The following SLC9A9 variants were observed in gnomAD, a reference collection of about 807,000 sequenced individuals.
The protein encoded by SLC9A9 is solute carrier family 9 member A9.
In SLC9A9, 62 loss-of-function variants were observed where a neutral mutation model predicts 77.8. The observed-to-expected ratio is 0.80, with a 90% CI of 0.65 to 0.98. The LOEUF (loss-of-function observed/expected upper bound fraction) is 0.98, where lower values mean the gene tolerates loss of function less well. Ranked by LOEUF, SLC9A9 falls within the 50% of genes least tolerant of loss-of-function variation. SLC9A9 has a pLI of 0.00. For synonymous variants in SLC9A9, 320 were observed against 283.5 expected, an observed-to-expected ratio of 1.13 and a Z score of -1.29; for missense variants, 775 against 774.9, an observed-to-expected ratio of 1.00 and a Z score of 0.00.
At position 143,381,670 on chromosome 3, in the gene SLC9A9, A is replaced by G. The variant is rs2033307045; in HGVS notation, c.1524+390T>C. ...AGACCTGATAAATGAGAAGCTATCCAGGAGAAATAAGTCAATTTGTTGTTT... is the reference window on the plus strand; with the variant it reads ...AGACCTGATAAATGAGAAGCTATCCGGGAGAAATAAGTCAATTTGTTGTTT... On this transcript the variant is annotated intron_variant, in intron 13 of 15. Transcript: ENST00000316549. 2.0e-5 allele frequency among the ~76,000 whole-genome samples: 3 copies of G among 152,242 alleles called. No homozygotes were observed. The South Asian group carries it at 6.2e-4, about 32-fold the overall frequency.
intron 12 of SLC9A9, among the ~76,000 whole-genome samples, chr3:143,438,317 C>T (rs1190231270): frequency 6.6e-6 from 1 of 152,222 alleles, no homozygotes; most frequent in Non-Finnish European, 1.5e-5. Context: ...CCCCAACTCT[C>T]CACTCCCCTC....
chr3:143,835,619 G>A (rs145746445), intron 1 of SLC9A9, among the ~76,000 whole-genome samples: 7 of 152,354 alleles, frequency 4.6e-5, no homozygotes, highest in Non-Finnish European at 7.4e-5. Flanking sequence ...AGGATGGCTA[G>A]TAGAAAGAAA....
chr3:143,367,659 G>T (rs1050920977), intron 13 of SLC9A9, among the ~76,000 whole-genome samples: 2 of 152,188 alleles, frequency 1.3e-5, no homozygotes, highest in Admixed American at 1.3e-4. Flanking sequence ...AGCACAGAGA[G>T]CCAGCCCACG....
Position 143,505,903 on chromosome 3 carries a change from A to G in SLC9A9, c.1090-10455T>C, listed in dbSNP as rs2036007565. 1.3e-5 allele frequency among the ~76,000 whole-genome samples: 2 copies of G among 152,152 alleles called. 1 individual carries two copies. Among genetic ancestry groups the G allele is most frequent in the South Asian group, 4.1e-4 (2 of 4,834 alleles). ...CTTAAGGGGAAGGCCATTTTCTCTGAATTTGCTTAATTACTTTAGCCAGTA... is the reference window on the plus strand; with the variant it reads ...CTTAAGGGGAAGGCCATTTTCTCTGGATTTGCTTAATTACTTTAGCCAGTA... On this transcript the variant is annotated intron_variant, in intron 9 of 15. Transcript: ENST00000316549.
At chr3:143,530,688 A>G (rs2036494549) in intron 9 of SLC9A9, among the ~76,000 whole-genome samples, 2 of 152,110 alleles carry the variant, frequency 1.3e-5, no homozygotes, top group Admixed American at 1.3e-4. Context: ...AACCAAAAAC[A>G]CTATTCAAAT....
chr3:143,826,492 G>A (rs1416881189), intron 2 of SLC9A9, among the ~76,000 whole-genome samples: 1 of 152,026 alleles, frequency 6.6e-6, no homozygotes, highest in Non-Finnish European at 1.5e-5. Flanking sequence ...TCCAAGTCTA[G>A]GCTTCATCTG....
chr3:143,274,056 T>G (rs969712083), intron 14 of SLC9A9, among the ~76,000 whole-genome samples: 1 of 152,210 alleles, frequency 6.6e-6, no homozygotes, highest in African/African-American at 2.4e-5. Flanking sequence ...GGATAGATAC[T>G]TGACTCAACA....
chr3:143,785,882 A>G (rs1576724770), intron 4 of SLC9A9, among the ~76,000 whole-genome samples: 6 of 105,470 alleles, frequency 5.7e-5, no homozygotes, highest in South Asian at 3.0e-4. Context: ...TTTGAGACGG[A>G]GTTTCGCTCT....
chr3:143,830,134 A>G (rs956425441), intron 2 of SLC9A9, among the ~76,000 whole-genome samples: 1 of 152,214 alleles, frequency 6.6e-6, no homozygotes, highest in East Asian at 1.9e-4. Context: ...ACAAATATGT[A>G]TAGTGACATA....
intron 13 of SLC9A9, among the ~76,000 whole-genome samples, chr3:143,366,971 C>T (rs1322804723): frequency 6.6e-6 from 1 of 152,170 alleles, no homozygotes; most frequent in African/African-American, 2.4e-5. Flanking sequence ...GGTGAACTGC[C>T]AATGGCTTTG....
At chr3:143,431,333 A>G (rs139156451) in intron 12 of SLC9A9, among the ~76,000 whole-genome samples, 14 of 152,278 alleles carry the variant, frequency 9.2e-5, no homozygotes, top group African/African-American at 3.4e-4. Flanking sequence ...TGATTTTCCC[A>G]GATTCCTGCA....
intron 9 of SLC9A9, among the ~76,000 whole-genome samples, chr3:143,523,559 A>G (rs888715078): frequency 6.6e-6 from 1 of 152,216 alleles, no homozygotes; most frequent in Non-Finnish European, 1.5e-5. Context: ...CGTGAATCCC[A>G]GCTCTTCGGT....
Position 143,655,636 on chromosome 3 carries a change from A to G in SLC9A9, c.650-3276T>C. ...GTCTTTCAAATTGATAATAAAAGAT[A>G]CAAGCACATATGATCTTATGCTCAA... On this transcript the variant is annotated intron_variant, in intron 5 of 15. Coordinates refer to ENST00000316549, the MANE Select transcript of SLC9A9 (RefSeq NM_173653.4). The G allele has an allele frequency of 3.0e-6, 3 of 985,240 alleles. No homozygotes were observed. The South Asian group carries it at 1.4e-4, about 46-fold the overall frequency. 61.0% of individuals were successfully genotyped at this position (985,240 alleles called of 1,614,324 possible).
intron 4 of SLC9A9, among the ~76,000 whole-genome samples, chr3:143,729,813 C>G (rs1447557135): frequency 1.3e-5 from 2 of 152,156 alleles, no homozygotes; most frequent in African/African-American, 4.8e-5. Flanking sequence ...CCCAGCCTGG[C>G]AACCTTTACT....
chr3:143,839,574 A>T (rs2009657137), intron 1 of SLC9A9, among the ~76,000 whole-genome samples: 1 of 152,120 alleles, frequency 6.6e-6, no homozygotes, highest in Admixed American at 6.6e-5. Context: ...ATGTAAACAT[A>T]CATGCACATA....
chr3:143,327,477 T>C (rs2031640165), intron 14 of SLC9A9, among the ~76,000 whole-genome samples: 1 of 152,208 alleles, frequency 6.6e-6, no homozygotes, highest in Non-Finnish European at 1.5e-5. Flanking sequence ...ATTTTGGCAC[T>C]GTTACTTTTC....
At chr3:143,375,617 G>T (rs2033166435) in intron 13 of SLC9A9, among the ~76,000 whole-genome samples, 1 of 152,160 alleles carries the variant, frequency 6.6e-6, no homozygotes, top group South Asian at 2.1e-4. Context: ...TCCTAGATCA[G>T]CTGACAGCTC....
At chr3:143,662,982 C>T (rs1017790614) in intron 5 of SLC9A9, among the ~76,000 whole-genome samples, 1 of 152,170 alleles carries the variant, frequency 6.6e-6, no homozygotes, top group Non-Finnish European at 1.5e-5. Context: ...GAAAGACTGC[C>T]TCCTCAAGTG....
intron 4 of SLC9A9, among the ~76,000 whole-genome samples, chr3:143,779,397 A>G (rs2007799261): frequency 6.6e-6 from 1 of 151,700 alleles, no homozygotes; most frequent in South Asian, 2.1e-4. Context: ...TTTGAGATGG[A>G]GTTTTGTTTT....
Sources: allele counts gnomAD v4.1 joint callset (sites outside exome capture counted in the v4.1 genomes callset), GRCh38; gene constraint gnomAD v4.1.1; transcripts MANE v1.5; gene names NCBI Gene and HGNC (gene_info 2026-07-23, HGNC 2026-07-21).